The following ATP9B variants were observed in gnomAD, a reference collection of about 807,000 sequenced individuals.
ATP9B encodes probable phospholipid-transporting ATPase IIB.
Under a neutral mutation model 146.1 loss-of-function variants are expected in ATP9B, and 110 were observed. The observed-to-expected ratio is 0.75, with a 90% CI of 0.65 to 0.88. ATP9B has a LOEUF of 0.88. Among genes scored for constraint, ATP9B ranks in the 40% least tolerant of loss-of-function variants. The pLI, the probability that ATP9B is intolerant of heterozygous loss-of-function variation, is 0.00. For missense variants in ATP9B, 1,499 were observed against 1,496.4 expected (o/e 1.00, Z -0.03); for synonymous variants, 604 against 569.7 (o/e 1.06, Z -0.86).
chr18:79,130,448 A>C (rs559331073), intron 5 of ATP9B, among the ~76,000 whole-genome samples: 1 of 152,190 alleles, frequency 6.6e-6, no homozygotes, highest in Non-Finnish European at 1.5e-5. Flanking sequence ...ACCGCTCTTA[A>C]GAGACCTGTG....
chr18:79,375,943 T>A (rs1022194598), intron 29 of ATP9B: 1 of 985,294 alleles, frequency 1.0e-6, no homozygotes, highest in African/African-American at 1.7e-5. Flanking sequence ...CTCATCTGCC[T>A]CTTTTCATGC....
At chr18:79,232,154 T>C (rs144344445) in intron 11 of ATP9B, among the ~76,000 whole-genome samples, 1 of 152,272 alleles carries the variant, frequency 6.6e-6, no homozygotes, top group East Asian at 1.9e-4. Flanking sequence ...AAGGAATTCT[T>C]TCACTCCAAC....
chr18:79,077,415 G>C (rs976419001), intron 1 of ATP9B, among the ~76,000 whole-genome samples: 1 of 152,182 alleles, frequency 6.6e-6, no homozygotes, highest in African/African-American at 2.4e-5. Context: ...CTGGGAAGGG[G>C]AGGAGTGCCT....
At chr18:79,118,287 A>T (rs1468058455) in intron 4 of ATP9B, among the ~76,000 whole-genome samples, 1 of 147,522 alleles carries the variant, frequency 6.8e-6, no homozygotes, top group South Asian at 2.2e-4. Flanking sequence ...ACTGCTGTTG[A>T]TTTTTTTCAT....
intron 1 of ATP9B, among the ~76,000 whole-genome samples, chr18:79,090,646 T>C (rs1285113732): frequency 2.0e-5 from 3 of 152,236 alleles, no homozygotes; most frequent in African/African-American, 7.2e-5. Context: ...TAGAGTTGTT[T>C]GAGCTCCTTA....
chr18:79,312,293 A>G (rs1201854528), intron 15 of ATP9B, among the ~76,000 whole-genome samples: 2 of 152,176 alleles, frequency 1.3e-5, no homozygotes, highest in Non-Finnish European at 2.9e-5. Flanking sequence ...TCCTAAATGC[A>G]GTTATATTAC....
At chr18:79,177,015 GT>G in intron 8 of ATP9B, 108 bp downstream of exon 8, 1 of 921,096 alleles carries the variant, frequency 1.1e-6, no homozygotes, top group Non-Finnish European at 1.6e-6. Context: ...TTGAGAATTT[GT>G]TTTATAATTT....
At chr18:79,153,938 A>C (rs560257829) in intron 6 of ATP9B, among the ~76,000 whole-genome samples, 5 of 146,612 alleles carry the variant, frequency 3.4e-5, no homozygotes, top group Non-Finnish European at 7.4e-5. Flanking sequence ...GTGAGCCACC[A>C]TGGCTGGCTG....
At chr18:79,155,751 C>A in intron 7 of ATP9B, among the ~76,000 whole-genome samples, 2 of 125,518 alleles carry the variant, frequency 1.6e-5, no homozygotes, top group African/African-American at 2.9e-5. Context: ...CATGTTTTCT[C>A]TCTTTTTTTT....
intron 7 of ATP9B, chr18:79,173,704 TCAAA>T (rs1196733241): frequency 6.6e-6 from 3 of 455,946 alleles, no homozygotes; most frequent in African/African-American, 4.0e-5. Context: ...TTCTTCAGTA[TCAAA>T]CAATCTTGAT....
At chr18:79,310,232 G>A (rs1290544405) in intron 15 of ATP9B, among the ~76,000 whole-genome samples, 1 of 152,252 alleles carries the variant, frequency 6.6e-6, no homozygotes, top group Non-Finnish European at 1.5e-5. Flanking sequence ...AGGAGGCGGA[G>A]CTGGCGTGTG....
chr18:79,265,665 G>GT (rs369028943), intron 12 of ATP9B, among the ~76,000 whole-genome samples: 98 of 149,182 alleles, frequency 6.6e-4, no homozygotes, highest in African/African-American at 1.4e-3. Context: ...CTGCTGTTAA[G>GT]TTTTTTTTTT....
At chr18:79,368,128 G>A (rs951186245) in intron 26 of ATP9B, among the ~76,000 whole-genome samples, 1 of 152,342 alleles carries the variant, frequency 6.6e-6, no homozygotes. Context: ...GCTGGAGGGC[G>A]CCATGGGGCT....
intron 10 of ATP9B, among the ~76,000 whole-genome samples, chr18:79,210,390 G>T (rs1174594979): frequency 2.0e-5 from 3 of 152,152 alleles, no homozygotes; most frequent in Non-Finnish European, 4.4e-5. Flanking sequence ...TTGTCACTCA[G>T]TGGGCCAGCC....
At chr18:79,229,916 G>A (rs573790112) in intron 11 of ATP9B, among the ~76,000 whole-genome samples, 2 of 152,048 alleles carry the variant, frequency 1.3e-5, no homozygotes, top group South Asian at 2.1e-4. Context: ...TTTTAAGGAT[G>A]TTTGACATGC....
Position 79,214,240 on chromosome 18 carries a change from T to C in ATP9B, c.1107+202T>C, listed in dbSNP as rs181641273. Reference sequence around the variant, plus strand: ...ACTGGCGAATTTCCAAAAGTATCATTGCTTGGCTAATCAGTTTTATATGTG... The same window carrying C: ...ACTGGCGAATTTCCAAAAGTATCATCGCTTGGCTAATCAGTTTTATATGTG... On this transcript the variant is annotated intron_variant, in intron 11 of 29. Coordinates refer to ENST00000426216, the MANE Select transcript of ATP9B (RefSeq NM_198531.5). Among the ~76,000 whole-genome samples the C allele has an allele frequency of 1.7e-3, 255 of 152,330 alleles. 2 individuals carry two copies. The highest frequency in any genetic ancestry group is 0.013 in the South Asian group (61 of 4,826).
chr18:79,137,602 A>T (rs2094462963), intron 5 of ATP9B, among the ~76,000 whole-genome samples: 1 of 152,134 alleles, frequency 6.6e-6, no homozygotes, highest in South Asian at 2.1e-4. Context: ...CCTTTTGGAT[A>T]TCCCCCGTCA....
At chr18:79,364,819 C>T (rs28783773) in intron 26 of ATP9B, among the ~76,000 whole-genome samples, 74,913 of 151,888 alleles carry the variant, frequency 0.49, 18,641 homozygotes, top group East Asian at 0.61. Context: ...AGCCCAGAAG[C>T]TCAATACCAG....
At chr18:79,167,114 G>A (rs1185874465) in intron 7 of ATP9B, among the ~76,000 whole-genome samples, 31 of 152,188 alleles carry the variant, frequency 2.0e-4, no homozygotes, top group Non-Finnish European at 3.2e-4. Context: ...GCCCTGGCTC[G>A]GTGAGCTGTT....
Sources: gnomAD v4.1 joint callset for allele counts (sites outside exome capture counted in the v4.1 genomes callset) on GRCh38, gnomAD v4.1.1 for gene constraint, MANE v1.5 for transcripts, NCBI Gene and HGNC (gene_info 2026-07-23, HGNC 2026-07-21) for gene names.